Variants in MCC observed in about 807,000 individuals in gnomAD.
The protein encoded by MCC is colorectal mutant cancer protein.
MCC carries 90 observed loss-of-function variants against 116.2 expected under a neutral mutation model. The ratio of observed to expected loss-of-function variants is 0.77; its 90% CI spans 0.65 to 0.92. MCC has a LOEUF of 0.92. MCC is among the 40% of genes least tolerant of loss of function. MCC has a pLI of 0.00. For synonymous variants in MCC, 578 were observed against 510.5 expected (o/e 1.13, Z -1.78); for missense variants, 1,516 against 1,312.2 (o/e 1.16, Z -2.40).
intron 3 of MCC, among the ~76,000 whole-genome samples, chr5:113,225,816 G>T (rs956090472): frequency 6.6e-6 from 1 of 151,950 alleles, no homozygotes; most frequent in Non-Finnish European, 1.5e-5. Context: ...CTGATGTCTT[G>T]ACTTTAGCGA....
intron 3 of MCC, among the ~76,000 whole-genome samples, chr5:113,200,447 T>A (rs1167721077): frequency 6.6e-6 from 1 of 152,076 alleles, no homozygotes; most frequent in Admixed American, 6.5e-5. Flanking sequence ...TGCCTGCTGA[T>A]CCCCTTCCTG....
intron 3 of MCC, among the ~76,000 whole-genome samples, chr5:113,211,295 C>A (rs1244528351): frequency 6.6e-6 from 1 of 152,192 alleles, no homozygotes; most frequent in South Asian, 2.1e-4. Context: ...AATTTGCTCT[C>A]GCCTTGATCT....
Position 113,340,515 on chromosome 5 carries a change from T to G in MCC, c.627+4A>C. 1 of 1,613,566 alleles carries G rather than the reference T, an allele frequency of 6.2e-7. No homozygotes were observed. The highest frequency in any genetic ancestry group is 1.1e-5 in the South Asian group (1 of 91,036). On this transcript the variant is annotated splice_donor_region_variant and intron_variant, in intron 3 of 18. Coordinates refer to ENST00000408903, the MANE Select transcript of MCC (RefSeq NM_001085377.2). Reference sequence around the variant, plus strand: ...ATGTATTCCATGAACCAAAAAGTACTCACTGTGTTGGCCAGCTCTAGATAG... The same window carrying G: ...ATGTATTCCATGAACCAAAAAGTACGCACTGTGTTGGCCAGCTCTAGATAG...
intron 3 of MCC, among the ~76,000 whole-genome samples, chr5:113,223,591 AAG>A (rs1285187314): frequency 6.6e-6 from 1 of 152,210 alleles, no homozygotes; most frequent in Non-Finnish European, 1.5e-5. Flanking sequence ...ACTGGAAAGG[AAG>A]AGAGGCTACT....
intron 3 of MCC, among the ~76,000 whole-genome samples, chr5:113,251,611 C>T (rs1319468849): frequency 6.6e-6 from 1 of 152,196 alleles, no homozygotes; most frequent in Non-Finnish European, 1.5e-5. Context: ...ATACTTACCC[C>T]ATTACCACAG....
intron 3 of MCC, among the ~76,000 whole-genome samples, chr5:113,235,639 T>G (rs187812481): frequency 6.6e-6 from 1 of 152,330 alleles, no homozygotes; most frequent in Non-Finnish European, 1.5e-5. Flanking sequence ...CCCATGTCCC[T>G]TTATGATAAA....
intron 1 of MCC, among the ~76,000 whole-genome samples, chr5:113,385,733 G>A (rs1279381553): frequency 6.6e-6 from 1 of 152,142 alleles, no homozygotes; most frequent in African/African-American, 2.4e-5. Context: ...GACTTTCGTG[G>A]TTCAATGCTT....
chr5:113,084,003 A>T (rs1755032927), intron 10 of MCC, 98 bp downstream of exon 10: 2 of 889,200 alleles, frequency 2.2e-6, no homozygotes, highest in African/African-American at 1.7e-5. Flanking sequence ...TAACTGGTTT[A>T]TTGGAGATAG....
In MCC at chr5:113,333,856, T is replaced by TATGTAC. The variant is rs1349641086; in HGVS notation, c.627+6662_627+6663insGTACAT. Among the ~76,000 whole-genome samples, 77 of 100,880 alleles carry TATGTAC rather than the reference T, an allele frequency of 7.6e-4. 14 individuals carry two copies. The highest frequency in any genetic ancestry group is 2.0e-3 in the African/African-American group (64 of 32,232). 66.2% of individuals were successfully genotyped at this position (100,880 alleles called of 152,430 possible). On this transcript the variant is annotated intron_variant, in intron 3 of 18. Transcript: ENST00000408903. ...ATATGTATATATGTATATATGTACA[T>TATGTAC]ATATGTATATATGTATTCACATATA...
At chr5:113,049,910 C>T (rs1380258297) in intron 15 of MCC, among the ~76,000 whole-genome samples, 2 of 152,228 alleles carry the variant, frequency 1.3e-5, no homozygotes, top group African/African-American at 2.4e-5. Flanking sequence ...CAGGTGACTG[C>T]TCATCAGACA....
chr5:113,334,001 TTATAG>T (rs1767810749), intron 3 of MCC, among the ~76,000 whole-genome samples: 1 of 145,666 alleles, frequency 6.9e-6, no homozygotes, highest in Non-Finnish European at 1.5e-5. Context: ...ATGGCTTCTT[TTATAG>T]TATAATTAAT....
At chr5:113,104,861 A>G (rs1756639646) in intron 6 of MCC, among the ~76,000 whole-genome samples, 1 of 152,208 alleles carries the variant, frequency 6.6e-6, no homozygotes, top group Non-Finnish European at 1.5e-5. Context: ...ACCAATCAAT[A>G]TGCTCCACTG....
At chr5:113,394,858 G>C (rs1323392022) in intron 1 of MCC, among the ~76,000 whole-genome samples, 1 of 152,202 alleles carries the variant, frequency 6.6e-6, no homozygotes, top group Non-Finnish European at 1.5e-5. Flanking sequence ...GCCAAATCTA[G>C]ATCATTTCCT....
intron 13 of MCC, among the ~76,000 whole-genome samples, chr5:113,065,598 G>T (rs895051135): frequency 4.6e-5 from 7 of 152,160 alleles, no homozygotes; most frequent in Admixed American, 2.0e-4. Flanking sequence ...CCACTGCCGA[G>T]GCCCAGAGAA....
chr5:113,261,234 C>T (rs961134733), intron 3 of MCC, among the ~76,000 whole-genome samples: 10 of 152,146 alleles, frequency 6.6e-5, no homozygotes, highest in Non-Finnish European at 2.9e-5. Flanking sequence ...TAACACAAAG[C>T]TTATTTTATG....
intron 2 of MCC, among the ~76,000 whole-genome samples, chr5:113,356,291 C>T (rs970637243): frequency 6.6e-6 from 1 of 150,898 alleles, no homozygotes; most frequent in African/African-American, 2.4e-5. Context: ...CGTGCCTCGA[C>T]CTCCCAAAGT....
At position 113,086,076 on chromosome 5, in the gene MCC, A is replaced by G. The variant is rs190898183; in HGVS notation, c.1399-766T>C. Among the ~76,000 whole-genome samples the G allele has an allele frequency of 5.7e-4, 87 of 152,342 alleles. 1 individual carries two copies. The highest frequency in any genetic ancestry group is 3.4e-3 in the Middle Eastern group (1 of 294). On this transcript the variant is annotated intron_variant, in intron 8 of 18. Coordinates refer to ENST00000408903, the MANE Select transcript of MCC (RefSeq NM_001085377.2). ...GGACTGCGGACGAGGACCCAGGATGATATCACCTCTCATGGAATCATCATT... is the reference window on the plus strand; with the variant it reads ...GGACTGCGGACGAGGACCCAGGATGGTATCACCTCTCATGGAATCATCATT...
At chr5:113,429,463 T>C (rs1434341221) in intron 1 of MCC, among the ~76,000 whole-genome samples, 1 of 152,338 alleles carries the variant, frequency 6.6e-6, no homozygotes, top group South Asian at 2.1e-4. Flanking sequence ...TATGGTACTT[T>C]GTTGTGGCGG....
At chr5:113,450,028 G>T (rs1161781087) in intron 1 of MCC, among the ~76,000 whole-genome samples, 1 of 152,120 alleles carries the variant, frequency 6.6e-6, no homozygotes, top group Admixed American at 6.5e-5. Flanking sequence ...ATAATTTGCA[G>T]TGTATTTTAC....
Sources: gnomAD v4.1 joint callset for allele counts (sites outside exome capture counted in the v4.1 genomes callset) on GRCh38, gnomAD v4.1.1 for gene constraint, MANE v1.5 for transcripts, NCBI Gene and HGNC (gene_info 2026-07-23, HGNC 2026-07-21) for gene names.